The following CAST variants were observed in gnomAD, a reference collection of about 807,000 sequenced individuals.
The protein encoded by CAST is calpastatin.
In CAST, 76 loss-of-function variants were observed where a neutral mutation model predicts 119.6. The ratio of observed to expected loss-of-function variants is 0.64; its 90% CI spans 0.53 to 0.77. The LOEUF is 0.77. CAST is among the 30% of genes least tolerant of loss of function. The pLI is 0.00. For synonymous variants in CAST, 319 were observed against 331.6 expected (o/e 0.96, Z 0.41); for missense variants, 953 against 946.5 (o/e 1.01, Z -0.09).
chr5:96,152,339 T>G, the CAST span, among the ~76,000 whole-genome samples: 2 of 152,164 alleles, frequency 1.3e-5, no homozygotes, highest in Non-Finnish European at 2.9e-5. Flanking sequence ...ACACATCCAT[T>G]TAAAGCTTAT....
chr5:96,001,942 T>A, the CAST span, among the ~76,000 whole-genome samples: 1 of 152,210 alleles, frequency 6.6e-6, no homozygotes, highest in Non-Finnish European at 1.5e-5. Context: ...TCTATGTTTC[T>A]TTGGCTTGAG....
the CAST span, chr5:96,421,922 T>C: frequency 2.5e-6 from 4 of 1,584,732 alleles, no homozygotes; most frequent in Admixed American, 5.0e-5. Flanking sequence ...TGGATCATGG[T>C]CATTATCATT....
At chr5:96,424,660 ATACT>A in the CAST span, among the ~76,000 whole-genome samples, 41 of 152,156 alleles carry the variant, frequency 2.7e-4, no homozygotes, top group African/African-American at 9.9e-4. Context: ...CAATGAGCAA[ATACT>A]TAAGATAGTG....
intron 9 of CAST, among the ~76,000 whole-genome samples, chr5:96,731,973 G>A (rs950380608): frequency 3.9e-5 from 6 of 152,172 alleles, no homozygotes; most frequent in African/African-American, 1.2e-4. Flanking sequence ...ACTTGTGCAT[G>A]TGTCTTTATA....
At chr5:96,073,577 G>A in the CAST span, among the ~76,000 whole-genome samples, 2 of 152,074 alleles carry the variant, frequency 1.3e-5, no homozygotes, top group Non-Finnish European at 2.9e-5. Flanking sequence ...ATGGCAGTGG[G>A]GTGGGGATGG....
chr5:96,154,752 TG>T, the CAST span, among the ~76,000 whole-genome samples: 1 of 152,190 alleles, frequency 6.6e-6, no homozygotes, highest in Non-Finnish European at 1.5e-5. Flanking sequence ...GGGATTTGTC[TG>T]GTGTTTTTCT....
the CAST span, chr5:96,412,499 C>T: frequency 2.5e-6 from 4 of 1,612,610 alleles, no homozygotes; most frequent in African/African-American, 2.7e-5. Context: ...GCCTGAGAAA[C>T]AAAATAAACA....
chr5:96,449,400 C>T, the CAST span, among the ~76,000 whole-genome samples: 1 of 152,174 alleles, frequency 6.6e-6, no homozygotes, highest in East Asian at 1.9e-4. Flanking sequence ...GTTTCATGCT[C>T]TTATGAGAAT....
At chr5:96,318,183 T>C in the CAST span, among the ~76,000 whole-genome samples, 1 of 152,232 alleles carries the variant, frequency 6.6e-6, no homozygotes, top group Non-Finnish European at 1.5e-5. Flanking sequence ...CTGTTAACCT[T>C]CCTACTGGAG....
At chr5:96,356,647 G>A in the CAST span, among the ~76,000 whole-genome samples, 1 of 152,132 alleles carries the variant, frequency 6.6e-6, no homozygotes, top group Non-Finnish European at 1.5e-5. Flanking sequence ...GGTTGTAGAT[G>A]TGTGGCATTA....
chr5:96,666,810 GC>G (rs1749395988), intron 1 of CAST, among the ~76,000 whole-genome samples: 1 of 152,180 alleles, frequency 6.6e-6, no homozygotes, highest in Admixed American at 6.5e-5. Flanking sequence ...GAATGCTATA[GC>G]CTTCTGGGGG....
chr5:96,421,514 G>T, the CAST span, among the ~76,000 whole-genome samples: 7 of 152,168 alleles, frequency 4.6e-5, no homozygotes, highest in African/African-American at 1.7e-4. Flanking sequence ...TTCTTTTCAT[G>T]ACTAACATAA....
At chr5:96,429,447 T>G in the CAST span, 4 of 626,046 alleles carry the variant, frequency 6.4e-6, no homozygotes, top group Admixed American at 1.1e-4. Flanking sequence ...AAATTAATAT[T>G]TTTTTTCTTT....
the CAST span, among the ~76,000 whole-genome samples, chr5:96,035,574 G>C: frequency 1.3e-5 from 2 of 151,876 alleles, no homozygotes; most frequent in Non-Finnish European, 2.9e-5. Context: ...TACATCTGGT[G>C]AATTTATCTC....
intron 1 of CAST, among the ~76,000 whole-genome samples, chr5:96,645,447 A>C (rs1345115815): frequency 6.6e-6 from 1 of 152,186 alleles, no homozygotes; most frequent in Admixed American, 6.5e-5. Context: ...TGCATGCCCA[A>C]ATAATTTTTA....
the CAST span, among the ~76,000 whole-genome samples, chr5:96,289,691 G>A: frequency 1.3e-5 from 2 of 151,988 alleles, no homozygotes; most frequent in Admixed American, 6.6e-5. Context: ...GTGTGAAAAC[G>A]AACAAACACA....
chr5:96,408,411 A>C, the CAST span: 3 of 887,094 alleles, frequency 3.4e-6, no homozygotes, highest in East Asian at 7.8e-5. Flanking sequence ...CAAAGGCTGC[A>C]TCTGCTATGA....
At chr5:96,455,643 C>G in the CAST span, among the ~76,000 whole-genome samples, 1 of 152,236 alleles carries the variant, frequency 6.6e-6, no homozygotes, top group Non-Finnish European at 1.5e-5. Context: ...ATCCCGAGCT[C>G]TGTCCACGCA....
the CAST span, among the ~76,000 whole-genome samples, chr5:96,038,934 G>A: frequency 6.6e-6 from 1 of 152,124 alleles, no homozygotes; most frequent in Admixed American, 6.6e-5. Context: ...CTAGATCCTT[G>A]AGGAATCACC....
Sources: allele counts gnomAD v4.1 joint callset (sites outside exome capture counted in the v4.1 genomes callset), GRCh38; gene constraint gnomAD v4.1.1; transcripts MANE v1.5; gene names NCBI Gene and HGNC (gene_info 2026-07-23, HGNC 2026-07-21).